Variants in SDK1 observed in about 807,000 individuals in gnomAD.
The protein encoded by SDK1 is sidekick cell adhesion molecule 1, also known as protein sidekick-1.
A neutral mutation model predicts 245.5 loss-of-function variants in SDK1; 157 were observed. The ratio of observed to expected loss-of-function variants is 0.64; its 90% CI spans 0.56 to 0.73. SDK1 has a LOEUF of 0.73. Among genes scored for constraint, SDK1 ranks in the 30% least tolerant of loss-of-function variants. The pLI is 0.00. For missense variants in SDK1, 3,583 were observed against 3,002.3 expected, an observed-to-expected ratio of 1.19 and a Z score of -4.52; for synonymous variants, 1,647 against 1,278.5, an observed-to-expected ratio of 1.29 and a Z score of -6.15.
At chr7:3,565,044 C>T (rs905709626) in intron 1 of SDK1, among the ~76,000 whole-genome samples, 1 of 151,296 alleles carries the variant, frequency 6.6e-6, no homozygotes, top group Non-Finnish European at 1.5e-5. Flanking sequence ...GTTGTGGGGT[C>T]GGTGGTAAGA....
intron 13 of SDK1, among the ~76,000 whole-genome samples, chr7:3,980,497 C>T (rs956676102): frequency 1.3e-5 from 2 of 152,200 alleles, no homozygotes; most frequent in Non-Finnish European, 2.9e-5. Context: ...CCTTTCAAAG[C>T]TGGCAGAGTA....
chr7:4,113,924 C>A (rs1158123982), intron 24 of SDK1, 113 bp from the exon 25 acceptor site: 1 of 760,066 alleles, frequency 1.3e-6, no homozygotes, highest in Non-Finnish European at 2.2e-6. Flanking sequence ...ACTATTTCCC[C>A]CAGGAACACC....
chr7:3,871,235 A>G (rs1388381393), intron 5 of SDK1, among the ~76,000 whole-genome samples: 4 of 151,884 alleles, frequency 2.6e-5, no homozygotes, highest in Non-Finnish European at 1.5e-5. Flanking sequence ...TTGCTGGTAT[A>G]TAATACAATT....
intron 4 of SDK1, among the ~76,000 whole-genome samples, chr7:3,791,283 C>G (rs1447622883): frequency 1.3e-5 from 2 of 152,098 alleles, no homozygotes; most frequent in Non-Finnish European, 2.9e-5. Flanking sequence ...CCTCGTGGAA[C>G]TACAGCCAGT....
chr7:4,011,857 A>G (rs914360270), intron 15 of SDK1, among the ~76,000 whole-genome samples: 2 of 152,192 alleles, frequency 1.3e-5, no homozygotes, highest in Non-Finnish European at 2.9e-5. Flanking sequence ...TTATTCACAC[A>G]GAACAAAGTC....
chr7:3,411,855 C>T (rs1400738997), intron 1 of SDK1, among the ~76,000 whole-genome samples: 2 of 152,078 alleles, frequency 1.3e-5, no homozygotes, highest in Non-Finnish European at 2.9e-5. Context: ...ACTTTGTTCA[C>T]TAGGTATGAA....
chr7:4,105,168 A>T (rs1782819540), intron 22 of SDK1, among the ~76,000 whole-genome samples: 2 of 151,770 alleles, frequency 1.3e-5, no homozygotes, highest in Non-Finnish European at 2.9e-5. Flanking sequence ...TTTTTAGCAG[A>T]GACGGGGTTT....
chr7:3,631,795 A>G (rs1285976598), intron 2 of SDK1, among the ~76,000 whole-genome samples: 1 of 152,232 alleles, frequency 6.6e-6, no homozygotes, highest in African/African-American at 2.4e-5. Context: ...TGTGGAAGCT[A>G]AGTGAAGACC....
intron 38 of SDK1, among the ~76,000 whole-genome samples, chr7:4,212,759 A>G (rs1481184081): frequency 6.6e-6 from 1 of 152,258 alleles, no homozygotes; most frequent in Non-Finnish European, 1.5e-5. Context: ...TTCAAGGGTC[A>G]TAACCAACGA....
At chr7:3,710,299 A>G (rs1306999094) in intron 4 of SDK1, among the ~76,000 whole-genome samples, 1 of 152,174 alleles carries the variant, frequency 6.6e-6, no homozygotes, top group East Asian at 1.9e-4. Context: ...CTCCAGAATG[A>G]TTAGGTGGGC....
chr7:4,037,785 T>C (rs1400292113), intron 17 of SDK1, among the ~76,000 whole-genome samples: 1 of 152,224 alleles, frequency 6.6e-6, no homozygotes, highest in East Asian at 1.9e-4. Flanking sequence ...ATCTTTTACC[T>C]AGAGACCTTC....
rs570377793 is a variant in SDK1, at chr7:4,137,049, A to G, written c.4228+4626A>G. Among the ~76,000 whole-genome samples the G allele has an allele frequency of 5.3e-5, 8 of 152,344 alleles. No individual in the cohort carries two copies. In the South Asian group the frequency reaches 1.7e-3, roughly 32 times the overall value. ...CCCCAGATGGTCGTGCTTTGGAGTCATGAGCGCTGGGGTCCCAGTGATGCT... is the reference window on the plus strand; with the variant it reads ...CCCCAGATGGTCGTGCTTTGGAGTCGTGAGCGCTGGGGTCCCAGTGATGCT... On this transcript the variant is annotated intron_variant, in intron 28 of 44. Coordinates refer to ENST00000404826, the MANE Select transcript of SDK1 (RefSeq NM_152744.4).
In SDK1 at chr7:3,674,755, AGT is replaced by A. The variant is rs1783836280; in HGVS notation, c.713+32653_713+32654del. On this transcript the variant is annotated intron_variant, in intron 4 of 44. Transcript: ENST00000404826. ...TTCATGGTGTGAATACTCCCACCAC[AGT>A]GTATTCCAGGTGACCAACATGACGT... Among the ~76,000 whole-genome samples, 4 of 152,192 alleles carry A rather than the reference AGT, an allele frequency of 2.6e-5. No homozygotes were observed. The South Asian group carries it at 8.3e-4, about 32-fold the overall frequency.
chr7:4,028,973 C>T (rs923297490), intron 17 of SDK1, among the ~76,000 whole-genome samples: 2 of 152,044 alleles, frequency 1.3e-5, no homozygotes, highest in Non-Finnish European at 2.9e-5. Flanking sequence ...CCTGTAATTC[C>T]TGTAATTCCC....
At position 3,326,436 on chromosome 7, in the gene SDK1, A is replaced by G. The variant is rs115024115; in HGVS notation, c.298+24552A>G. Among the ~76,000 whole-genome samples the G allele has an allele frequency of 1.1e-3, 164 of 152,312 alleles. 2 individuals carry two copies. The highest frequency in any genetic ancestry group is 3.8e-3 in the African/African-American group (156 of 41,592). ...GTTTAGTTTACTCTGATATCACTAGACATTGAAGTTGTTTTAGTTCTTCAT... is the reference window on the plus strand; with the variant it reads ...GTTTAGTTTACTCTGATATCACTAGGCATTGAAGTTGTTTTAGTTCTTCAT... On this transcript the variant is annotated intron_variant, in intron 1 of 44. Coordinates refer to ENST00000404826, the MANE Select transcript of SDK1 (RefSeq NM_152744.4).
intron 5 of SDK1, among the ~76,000 whole-genome samples, chr7:3,865,912 T>C (rs1780809631): frequency 6.6e-6 from 1 of 152,128 alleles, no homozygotes; most frequent in South Asian, 2.1e-4. Flanking sequence ...AAAGAAGCCC[T>C]CGTAGTCCTA....
chr7:3,836,981 G>A (rs1462389945), intron 5 of SDK1, among the ~76,000 whole-genome samples: 2 of 152,112 alleles, frequency 1.3e-5, no homozygotes, highest in Non-Finnish European at 2.9e-5. Context: ...TGCAGGAAGG[G>A]AGGCGAGCTT....
At chr7:3,398,920 C>A (rs1157915447) in intron 1 of SDK1, among the ~76,000 whole-genome samples, 5 of 152,012 alleles carry the variant, frequency 3.3e-5, no homozygotes, top group Non-Finnish European at 5.9e-5. Context: ...CAACTATTTG[C>A]CCTGAGACCT....
chr7:4,098,598 T>C (rs1481274959), intron 22 of SDK1, among the ~76,000 whole-genome samples: 1 of 152,106 alleles, frequency 6.6e-6, no homozygotes, highest in Non-Finnish European at 1.5e-5. Context: ...TTTTAGTTTC[T>C]CCCTCCGAGA....
Sources: allele counts gnomAD v4.1 joint callset (sites outside exome capture counted in the v4.1 genomes callset), GRCh38; gene constraint gnomAD v4.1.1; transcripts MANE v1.5; gene names NCBI Gene and HGNC (gene_info 2026-07-23, HGNC 2026-07-21).